Variants in SPAG16 observed in about 807,000 individuals in gnomAD.
SPAG16 encodes the protein sperm associated antigen 16.
A neutral mutation model predicts 80.4 loss-of-function variants in SPAG16; 86 were observed. The observed-to-expected ratio is 1.07, with a 90% CI of 0.90 to 1.28. SPAG16 has a LOEUF of 1.28. Ranked by LOEUF, SPAG16 falls within the 50% of genes most tolerant of loss-of-function variation. SPAG16 has a pLI of 0.00. For synonymous variants in SPAG16, 294 were observed against 265.9 expected, an observed-to-expected ratio of 1.11 and a Z score of -1.03; for missense variants, 870 against 765.3, an observed-to-expected ratio of 1.14 and a Z score of -1.61.
chr2:213,976,135 T>TATATATATATATATATAC lies in SPAG16; in HGVS notation c.1401-37815_1401-37814insTATATATATATATATACA, dbSNP rs749957411. On this transcript the variant is annotated intron_variant, in intron 12 of 15. Coordinates refer to ENST00000331683, the MANE Select transcript of SPAG16 (RefSeq NM_024532.5). ...ATATATATATATATATATATATATA[T>TATATATATATATATATAC]ACACACACACACACACACACGTATG... Among the ~76,000 whole-genome samples the TATATATATATATATATAC allele has an allele frequency of 3.8e-3, 306 of 81,306 alleles. 2 individuals carry two copies. The highest frequency in any genetic ancestry group is 0.013 in the South Asian group (22 of 1,630). 53.3% of individuals were successfully genotyped at this position (81,306 alleles called of 152,430 possible). A position where few individuals can be genotyped will look rare whatever the true frequency, so the allele number is the denominator to read the frequency against.
At chr2:213,974,707 ACT>A (rs1028683707) in intron 12 of SPAG16, among the ~76,000 whole-genome samples, 1 of 152,032 alleles carries the variant, frequency 6.6e-6, no homozygotes, top group East Asian at 1.9e-4. Flanking sequence ...TGCTCATGTA[ACT>A]CTCTGTTACA....
In SPAG16 at chr2:214,035,045, G is replaced by T. The variant is rs2048616153; in HGVS notation, c.1527+20968G>T. ...TTATTGTGTGATGTAACAGCTCAGA[G>T]GAGACACGCAGTGGATAGCTACTCT... On this transcript the variant is annotated intron_variant, in intron 13 of 15. Transcript: ENST00000331683. 1.3e-5 allele frequency among the ~76,000 whole-genome samples: 2 copies of T among 152,122 alleles called. 1 individual carries two copies. The highest frequency in any genetic ancestry group is 2.9e-5 in the Non-Finnish European group (2 of 68,014).
intron 7 of SPAG16, among the ~76,000 whole-genome samples, chr2:213,361,789 C>CCACA (rs10585217): frequency 0.1 from 14,124 of 139,946 alleles, 758 homozygotes; most frequent in African/African-American, 0.13. Flanking sequence ...ACTGATAATG[C>CCACA]CACACACACA....
chr2:213,691,291 A>T (rs1465498124), intron 10 of SPAG16, among the ~76,000 whole-genome samples: 1 of 152,164 alleles, frequency 6.6e-6, no homozygotes, highest in East Asian at 1.9e-4. Context: ...CAGGTGTGAC[A>T]ATCTAGATCT....
At chr2:214,338,499 G>A (rs528793418) in intron 15 of SPAG16, among the ~76,000 whole-genome samples, 19 of 151,942 alleles carry the variant, frequency 1.3e-4, no homozygotes, top group Admixed American at 3.9e-4. Context: ...GCAAGACTCC[G>A]TCTCAAAAAA....
chr2:213,384,751 G>T (rs1275634163), intron 9 of SPAG16, among the ~76,000 whole-genome samples: 2 of 152,160 alleles, frequency 1.3e-5, no homozygotes, highest in Admixed American at 1.3e-4. Flanking sequence ...TTACAAGGTT[G>T]CTGCTCTCAG....
At chr2:213,901,540 T>G (rs1221150059) in intron 11 of SPAG16, among the ~76,000 whole-genome samples, 3 of 152,128 alleles carry the variant, frequency 2.0e-5, no homozygotes, top group African/African-American at 7.2e-5. Context: ...AGTAATTCTA[T>G]GCTGGTGAAG....
At chr2:214,113,823 GC>G (rs1438224901) in intron 14 of SPAG16, among the ~76,000 whole-genome samples, 1 of 152,142 alleles carries the variant, frequency 6.6e-6, no homozygotes, top group Non-Finnish European at 1.5e-5. Flanking sequence ...GCCTACTTCT[GC>G]CAACTTGTCA....
chr2:214,406,047 C>T (rs1701981962), intron 15 of SPAG16, among the ~76,000 whole-genome samples: 1 of 152,122 alleles, frequency 6.6e-6, no homozygotes, highest in Non-Finnish European at 1.5e-5. Context: ...ACTTGTAACA[C>T]ACTATGAATC....
intron 11 of SPAG16, among the ~76,000 whole-genome samples, chr2:213,928,904 TACACACACACACACACACACACAC>T (rs71063798): frequency 7.0e-6 from 1 of 142,978 alleles, no homozygotes; most frequent in Non-Finnish European, 1.5e-5. Context: ...CAGCTGATGT[TACACACACACACACACACACACAC>T]ACACACACAC....
At chr2:213,518,767 C>T (rs2075544723) in intron 10 of SPAG16, among the ~76,000 whole-genome samples, 3 of 152,194 alleles carry the variant, frequency 2.0e-5, no homozygotes, top group African/African-American at 4.8e-5. Context: ...AAGACACATG[C>T]ATTTGCATGT....
At chr2:214,183,034 G>C (rs1295219441) in intron 15 of SPAG16, among the ~76,000 whole-genome samples, 1 of 151,828 alleles carries the variant, frequency 6.6e-6, no homozygotes, top group Non-Finnish European at 1.5e-5. Flanking sequence ...TCTAACCATT[G>C]GTTATTTTCC....
intron 12 of SPAG16, among the ~76,000 whole-genome samples, chr2:213,953,010 GA>G (rs1199806815): frequency 4.0e-5 from 6 of 151,870 alleles, no homozygotes; most frequent in Admixed American, 3.9e-4. Flanking sequence ...CCTTCCCAAA[GA>G]AAATGATATA....
chr2:214,313,669 T>A (rs1286613221), intron 15 of SPAG16, among the ~76,000 whole-genome samples: 1 of 152,124 alleles, frequency 6.6e-6, no homozygotes, highest in African/African-American at 2.4e-5. Flanking sequence ...TTTCTCTTTT[T>A]TCACATGACC....
At chr2:213,369,364 T>G (rs1476519212) in intron 8 of SPAG16, among the ~76,000 whole-genome samples, 2 of 152,178 alleles carry the variant, frequency 1.3e-5, no homozygotes, top group Admixed American at 6.5e-5. Context: ...AGTGACTGAT[T>G]AAAATAAAAT....
At position 214,228,081 on chromosome 2, in the gene SPAG16, A is replaced by C. The variant is rs546490196; in HGVS notation, c.1720+78815A>C. On this transcript the variant is annotated intron_variant, in intron 15 of 15. Coordinates refer to ENST00000331683, the MANE Select transcript of SPAG16 (RefSeq NM_024532.5). The stretch of plus-strand genomic sequence containing the variant: ...AATAATCTTTCACCAAGTCTGTCAC[A>C]CAGTATGCTGCAAGCATGCATTCCA... 5.3e-5 allele frequency among the ~76,000 whole-genome samples: 8 copies of C among 152,136 alleles called. No individual in the cohort carries two copies. In the South Asian group the frequency reaches 1.2e-3, roughly 24 times the overall value.
chr2:214,063,802 T>C (rs1371941017), intron 13 of SPAG16, among the ~76,000 whole-genome samples: 1 of 152,226 alleles, frequency 6.6e-6, no homozygotes, highest in African/African-American at 2.4e-5. Context: ...TTATTTAATG[T>C]ATCATTTATT....
At chr2:213,358,168 C>G (rs1373038899) in intron 7 of SPAG16, among the ~76,000 whole-genome samples, 5 of 152,100 alleles carry the variant, frequency 3.3e-5, no homozygotes. Flanking sequence ...AACCTGCCCT[C>G]TCTCTCTGGC....
rs946056882 is a variant in SPAG16, at chr2:214,197,812, T to G, written c.1720+48546T>G. On this transcript the variant is annotated intron_variant, in intron 15 of 15. Transcript: ENST00000331683. Reference sequence around the variant, plus strand: ...GTGTTTTTTATATGTGTTTTTCCACTGAATTAACCTATTAATAAAGTGAAT... The same window carrying G: ...GTGTTTTTTATATGTGTTTTTCCACGGAATTAACCTATTAATAAAGTGAAT... 2.0e-5 allele frequency among the ~76,000 whole-genome samples: 3 copies of G among 151,960 alleles called. No individual in the cohort carries two copies. The South Asian group carries it at 6.2e-4, about 32-fold the overall frequency.
Sources: gnomAD v4.1 joint callset for allele counts (sites outside exome capture counted in the v4.1 genomes callset) on GRCh38, gnomAD v4.1.1 for gene constraint, MANE v1.5 for transcripts, NCBI Gene and HGNC (gene_info 2026-07-23, HGNC 2026-07-21) for gene names.